AHCYL2: variants seen among roughly 807,000 people sequenced by gnomAD.
AHCYL2 encodes adenosylhomocysteinase like 2.
AHCYL2 carries 28 observed loss-of-function variants against 81.4 expected under a neutral mutation model. The ratio of observed to expected loss-of-function variants is 0.34; its 90% CI spans 0.25 to 0.47. The LOEUF is 0.47. Ranked by LOEUF, AHCYL2 falls within the 20% of genes least tolerant of loss-of-function variation. The probability of loss-of-function intolerance (pLI) is 1.00; values close to 1 mark genes in which losing one functional copy is unlikely to be tolerated. For synonymous variants in AHCYL2, 272 were observed against 290.2 expected, an observed-to-expected ratio of 0.94 and a Z score of 0.64; for missense variants, 551 against 785.1, an observed-to-expected ratio of 0.70 and a Z score of 3.56.
chr7:129,273,121 C>CA (rs1162619630), intron 1 of AHCYL2, among the ~76,000 whole-genome samples: 2 of 151,948 alleles, frequency 1.3e-5, no homozygotes, highest in Non-Finnish European at 1.5e-5. Context: ...AGGCTGGTCT[C>CA]AAACTCCTGA....
chr7:129,389,604 A>AT, intron 3 of AHCYL2, 30 bp from the exon 4 acceptor site: 1 of 1,512,752 alleles, frequency 6.6e-7, no homozygotes, highest in Non-Finnish European at 9.1e-7. Flanking sequence ...CTTCTTCTTT[A>AT]ATATTGCTGT....
intron 1 of AHCYL2, among the ~76,000 whole-genome samples, chr7:129,295,242 A>G (rs1184782958): frequency 2.0e-5 from 3 of 152,258 alleles, no homozygotes; most frequent in Non-Finnish European, 4.4e-5. Flanking sequence ...GAAGCTGAGC[A>G]GCCAGGCTGG....
At chr7:129,393,540 T>C (rs1375873414) in intron 4 of AHCYL2, among the ~76,000 whole-genome samples, 2 of 152,274 alleles carry the variant, frequency 1.3e-5, no homozygotes, top group Non-Finnish European at 2.9e-5. Flanking sequence ...GGAATCATTG[T>C]TTCCTATTTT....
intron 1 of AHCYL2, among the ~76,000 whole-genome samples, chr7:129,329,582 G>A (rs1278700015): frequency 6.6e-6 from 1 of 152,206 alleles, no homozygotes; most frequent in Non-Finnish European, 1.5e-5. Flanking sequence ...CAGGAATGAA[G>A]GCAATTTTGT....
rs190674670 is a variant in AHCYL2, at chr7:129,243,382, C to T, written c.363+17943C>T. 4.6e-5 allele frequency among the ~76,000 whole-genome samples: 7 copies of T among 152,026 alleles called. No homozygotes were observed. The East Asian group carries it at 9.7e-4, about 21-fold the overall frequency. On this transcript the variant is annotated intron_variant, in intron 1 of 16. Transcript: ENST00000325006. ...GTGTGTGTTGAAAATATCTTTTGGTCTGTGGCTTGTGGCTTTACTTATGAC... is the reference window on the plus strand; with the variant it reads ...GTGTGTGTTGAAAATATCTTTTGGTTTGTGGCTTGTGGCTTTACTTATGAC...
At chr7:129,241,380 C>A (rs1794846888) in intron 1 of AHCYL2, among the ~76,000 whole-genome samples, 1 of 152,098 alleles carries the variant, frequency 6.6e-6, no homozygotes. Flanking sequence ...CACCTGAGGT[C>A]AGGAGTTCGA....
At chr7:129,413,805 TC>T in intron 12 of AHCYL2, 117 bp downstream of exon 12, 1 of 816,050 alleles carries the variant, frequency 1.2e-6, no homozygotes, top group Non-Finnish European at 2.0e-6. Context: ...GGCAGAGTTG[TC>T]CACATCTTTT....
In AHCYL2 at chr7:129,337,935, G is replaced by C. The variant is rs181300611; in HGVS notation, c.364-41703G>C. Among the ~76,000 whole-genome samples, 49 of 151,574 alleles carry C rather than the reference G, an allele frequency of 3.2e-4. 1 individual carries two copies. The East Asian group carries it at 7.2e-3, about 22-fold the overall frequency. ...ATTTTGTATTTTTAGTAGAGACGGG[G>C]GTTTCTCCATGTTGGTCAGGCTGGC... On this transcript the variant is annotated intron_variant, in intron 1 of 16. Coordinates refer to ENST00000325006, the MANE Select transcript of AHCYL2 (RefSeq NM_015328.4).
chr7:129,413,685 C>G lies in AHCYL2; in HGVS notation c.1458C>G (p.Asp486Glu), dbSNP rs143974039. ...TGGGACATTCCAACACAGAGATTGACGTGGTAAGATCAAGTAGCTCATTAT... is the reference window on the plus strand; with the variant it reads ...TGGGACATTCCAACACAGAGATTGAGGTGGTAAGATCAAGTAGCTCATTAT... ...CNMGHSNTEIDVASLRTPELT... is the reference protein window; with the variant it reads ...CNMGHSNTEIEVASLRTPELT... Residue 486 changes from aspartate (D) to glutamate (E), a missense_variant, in exon 12 of 17, where the codon GAC (aspartate) becomes GAG (glutamate). Coordinates refer to ENST00000325006, the MANE Select transcript of AHCYL2 (RefSeq NM_015328.4). 7 of 1,613,460 alleles carry G rather than the reference C, an allele frequency of 4.3e-6. No homozygotes were observed. The highest frequency in any genetic ancestry group is 5.9e-6 in the Non-Finnish European group (7 of 1,179,660).
At chr7:129,237,768 C>T (rs1794692569) in intron 1 of AHCYL2, among the ~76,000 whole-genome samples, 1 of 152,074 alleles carries the variant, frequency 6.6e-6, no homozygotes, top group South Asian at 2.1e-4. Flanking sequence ...TGCTGTGTCG[C>T]CCAGGCTAGA....
chr7:129,340,684 T>C (rs554670476), intron 1 of AHCYL2, among the ~76,000 whole-genome samples: 1 of 139,590 alleles, frequency 7.2e-6, no homozygotes, highest in East Asian at 2.2e-4. Flanking sequence ...ATTTTTAATT[T>C]CTAAGAACTG....
At chr7:129,344,649 T>C (rs1436216168) in intron 1 of AHCYL2, among the ~76,000 whole-genome samples, 3 of 152,116 alleles carry the variant, frequency 2.0e-5, no homozygotes, top group Admixed American at 6.6e-5. Flanking sequence ...ATAAGTGTTA[T>C]GAAGGAAACA....
At chr7:129,364,279 AT>A (rs959267285) in intron 1 of AHCYL2, among the ~76,000 whole-genome samples, 28 of 151,928 alleles carry the variant, frequency 1.8e-4, no homozygotes, top group African/African-American at 4.3e-4. Context: ...CCTTAAAAAC[AT>A]TTTTTTTAAC....
At position 129,287,944 on chromosome 7, in the gene AHCYL2, T is replaced by C. The variant is rs111265969; in HGVS notation, c.363+62505T>C. 6.1e-3 allele frequency among the ~76,000 whole-genome samples: 926 copies of C among 152,284 alleles called. 12 individuals carry two copies. Among genetic ancestry groups the C allele is most frequent in the African/African-American group, 0.021 (893 of 41,560 alleles). ...CACTCCCTGGATTATTGGATGCAAATTGAAGAATTTTATAGCTTCACCTGT... is the reference window on the plus strand; with the variant it reads ...CACTCCCTGGATTATTGGATGCAAACTGAAGAATTTTATAGCTTCACCTGT... On this transcript the variant is annotated intron_variant, in intron 1 of 16. Coordinates refer to ENST00000325006, the MANE Select transcript of AHCYL2 (RefSeq NM_015328.4).
chr7:129,295,071 C>G (rs1797006625), intron 1 of AHCYL2, among the ~76,000 whole-genome samples: 1 of 152,280 alleles, frequency 6.6e-6, no homozygotes, highest in East Asian at 1.9e-4. Context: ...GCCATTGGAA[C>G]TCAAAGAAAT....
At chr7:129,375,912 G>C (rs1794662743) in intron 1 of AHCYL2, 1 of 1,536,120 alleles carries the variant, frequency 6.5e-7, no homozygotes, top group Non-Finnish European at 8.7e-7. Context: ...TGGCAACTCT[G>C]GGATTAAGGC....
chr7:129,329,859 G>A (rs1268674611), intron 1 of AHCYL2, among the ~76,000 whole-genome samples: 2 of 152,146 alleles, frequency 1.3e-5, no homozygotes, highest in African/African-American at 2.4e-5. Context: ...TTAATAAATT[G>A]GAGAAGGGGC....
intron 1 of AHCYL2, among the ~76,000 whole-genome samples, chr7:129,254,646 A>G (rs1018787945): frequency 6.6e-6 from 1 of 152,228 alleles, no homozygotes; most frequent in African/African-American, 2.4e-5. Context: ...TTGTGGCACC[A>G]TACTCCTGTA....
At chr7:129,376,090 A>G (rs1354302933) in intron 1 of AHCYL2, among the ~76,000 whole-genome samples, 1 of 152,052 alleles carries the variant, frequency 6.6e-6, no homozygotes, top group Non-Finnish European at 1.5e-5. Context: ...CCTTGCCTTA[A>G]TGCCTGTTGG....
Sources: gnomAD v4.1 joint callset for allele counts (sites outside exome capture counted in the v4.1 genomes callset) on GRCh38, gnomAD v4.1.1 for gene constraint, MANE v1.5 for transcripts, NCBI Gene and HGNC (gene_info 2026-07-23, HGNC 2026-07-21) for gene names.